Variants in GNG2 observed in about 807,000 individuals in gnomAD.
GNG2 encodes the protein guanine nucleotide-binding protein G(I)/G(S)/G(O) subunit gamma-2.
Under a neutral mutation model 5.5 loss-of-function variants are expected in GNG2, and 5 were observed. The observed-to-expected ratio is 0.91, with a 90% CI of 0.48 to 1.92. The LOEUF (loss-of-function observed/expected upper bound fraction) is 1.92, where lower values mean the gene tolerates loss of function less well. Among genes scored for constraint, GNG2 ranks in the 30% most tolerant of loss-of-function variants. GNG2 has a pLI of 0.01. For missense variants in GNG2, 55 were observed against 88.4 expected (o/e 0.62, Z 1.52); for synonymous variants, 28 against 32.0 (o/e 0.88, Z 0.42).
In GNG2 at chr14:51,877,715, GA is replaced by G. The variant is rs1006304935; in HGVS notation, c.-30+66del. On this transcript the variant is annotated intron_variant, in intron 2 of 3. Coordinates refer to ENST00000556766, the MANE Select transcript of GNG2 (RefSeq NM_053064.5). ...TTGAATTTAACCAGAACTTAAAGAG[GA>G]AAAAAAATGTTAAGTGGTCTATAGA... The G allele has an allele frequency of 5.8e-5, 25 of 431,554 alleles. 1 individual carries two copies. Among genetic ancestry groups the G allele is most frequent in the South Asian group, 2.2e-4 (13 of 59,946 alleles). 26.7% of individuals were successfully genotyped at this position (431,554 alleles called of 1,614,324 possible). A position where few individuals can be genotyped will look rare whatever the true frequency, so the allele number is the denominator to read the frequency against.
At position 51,945,501 on chromosome 14, in the gene GNG2, A is replaced by G. The variant is rs1158950753; in HGVS notation, c.-29-5149A>G. On this transcript the variant is annotated intron_variant, in intron 2 of 3. Transcript: ENST00000556766. ...AGTAGTCAAATTTATAGAGACAGAA[A>G]GTAGAATGGTGGCTGCCAGGGGTTG... 3.4e-5 allele frequency among the ~76,000 whole-genome samples: 5 copies of G among 145,282 alleles called. No homozygotes were observed. In the East Asian group the frequency reaches 1.0e-3, roughly 30 times the overall value.
At chr14:51,862,406 A>G (rs978628952) in intron 1 of GNG2, among the ~76,000 whole-genome samples, 2 of 152,350 alleles carry the variant, frequency 1.3e-5, no homozygotes, top group Non-Finnish European at 2.9e-5. Context: ...TGTAAAGATC[A>G]TCTTCTTAGA....
intron 2 of GNG2, chr14:51,916,482 G>A (rs1347902243): frequency 2.2e-6 from 1 of 451,360 alleles, no homozygotes; most frequent in African/African-American, 2.1e-5. Context: ...ATCTCAAAGT[G>A]CTAAAAATTT....
chr14:51,946,950 A>G (rs1304273880), intron 2 of GNG2, among the ~76,000 whole-genome samples: 2 of 152,170 alleles, frequency 1.3e-5, no homozygotes, highest in African/African-American at 4.8e-5. Flanking sequence ...AAAAGGGAAA[A>G]ATGCACTAAT....
chr14:51,903,574 A>G (rs889285716), intron 2 of GNG2, among the ~76,000 whole-genome samples: 1 of 152,230 alleles, frequency 6.6e-6, no homozygotes, highest in Non-Finnish European at 1.5e-5. Context: ...TTATTTTAAA[A>G]AAATACTTTC....
chr14:51,965,564 C>T (rs1353114530), intron 3 of GNG2, among the ~76,000 whole-genome samples: 1 of 152,122 alleles, frequency 6.6e-6, no homozygotes. Context: ...ACAGCATCGC[C>T]AGAATCAGTG....
At chr14:51,904,558 T>A (rs539517806) in intron 2 of GNG2, among the ~76,000 whole-genome samples, 1 of 149,796 alleles carries the variant, frequency 6.7e-6, no homozygotes, top group South Asian at 2.1e-4. Flanking sequence ...TGCAGCATGA[T>A]CTGTGCAGGG....
chr14:51,933,439 G>A (rs561322742), intron 2 of GNG2, among the ~76,000 whole-genome samples: 1 of 152,322 alleles, frequency 6.6e-6, no homozygotes, highest in East Asian at 1.9e-4. Context: ...AAGGAAAGCA[G>A]AAAAATAGGA....
At chr14:51,912,977 GA>G (rs1886382702) in intron 2 of GNG2, 1 of 152,050 alleles carries the variant, frequency 6.6e-6, no homozygotes, top group Non-Finnish European at 1.5e-5. Context: ...TTAATTAATT[GA>G]ACCTGTAAGC....
intron 1 of GNG2, among the ~76,000 whole-genome samples, chr14:51,863,018 C>T (rs1430360132): frequency 1.4e-5 from 2 of 141,320 alleles, no homozygotes; most frequent in African/African-American, 5.3e-5. Context: ...TGGCCAATGG[C>T]TGAATGGAAA....
intron 2 of GNG2, among the ~76,000 whole-genome samples, chr14:51,855,166 G>A (rs970533618): frequency 6.6e-6 from 1 of 152,168 alleles, no homozygotes; most frequent in Non-Finnish European, 1.5e-5. Context: ...AGGATCTGGG[G>A]GGCTTCGCAC....
intron 2 of GNG2, among the ~76,000 whole-genome samples, chr14:51,915,525 T>C (rs1566684039): frequency 6.6e-6 from 1 of 152,050 alleles, no homozygotes; most frequent in Non-Finnish European, 1.5e-5. Flanking sequence ...TTGGGGTAAA[T>C]GGAAAATTAG....
chr14:51,947,939 T>G (rs1888735611), intron 2 of GNG2, among the ~76,000 whole-genome samples: 1 of 152,184 alleles, frequency 6.6e-6, no homozygotes, highest in Non-Finnish European at 1.5e-5. Flanking sequence ...ACATCAAAGG[T>G]AACCATCTCA....
intron 2 of GNG2, among the ~76,000 whole-genome samples, chr14:51,942,145 T>C (rs184077953): frequency 6.6e-6 from 1 of 152,342 alleles, no homozygotes; most frequent in East Asian, 1.9e-4. Context: ...TATGAATGCT[T>C]AACACTTATT....
At chr14:51,855,273 C>T (rs1882103559) in intron 2 of GNG2, among the ~76,000 whole-genome samples, 1 of 152,184 alleles carries the variant, frequency 6.6e-6, no homozygotes, top group South Asian at 2.1e-4. Flanking sequence ...TCCCTTGTCC[C>T]ACTAGCTTTC....
At chr14:51,849,291 T>C (rs141867540) in intron 2 of GNG2, among the ~76,000 whole-genome samples, 2 of 152,294 alleles carry the variant, frequency 1.3e-5, no homozygotes, top group Non-Finnish European at 1.5e-5. Flanking sequence ...CCAGAGCAAA[T>C]GCTCAAGGAG....
chr14:51,877,771 ACAGT>A (rs1224399746), intron 2 of GNG2, 114 bp downstream of exon 2: 1 of 360,438 alleles, frequency 2.8e-6, no homozygotes, highest in Non-Finnish European at 5.6e-6. Context: ...ATTGAAAGAA[ACAGT>A]CATAGAGTCC....
intron 2 of GNG2, among the ~76,000 whole-genome samples, chr14:51,899,101 C>T (rs180880211): frequency 6.6e-4 from 100 of 152,210 alleles, no homozygotes; most frequent in Non-Finnish European, 1.3e-3. Context: ...ATGATTCTCT[C>T]CCTTTTAACA....
upstream of GNG2, among the ~76,000 whole-genome samples, chr14:51,860,093 GAAGCTGC>G (rs547661490): frequency 3.9e-5 from 6 of 152,094 alleles, no homozygotes; most frequent in African/African-American, 7.2e-5. Context: ...GCTGCAGTGA[GAAGCTGC>G]AAGCTGCAAG....
Sources: allele counts gnomAD v4.1 joint callset (sites outside exome capture counted in the v4.1 genomes callset), GRCh38; gene constraint gnomAD v4.1.1; transcripts MANE v1.5; gene names NCBI Gene and HGNC (gene_info 2026-07-23, HGNC 2026-07-21).